The following NIPA1 variants were observed in gnomAD, a reference collection of about 807,000 sequenced individuals.
The protein encoded by NIPA1 is magnesium transporter NIPA1.
NIPA1 carries 13 observed loss-of-function variants against 23.9 expected under a neutral mutation model. That is an observed-to-expected ratio of 0.54 (90% CI 0.35 to 0.87). The LOEUF (loss-of-function observed/expected upper bound fraction) is 0.87. Ranked by LOEUF, NIPA1 falls within the 40% of genes least tolerant of loss-of-function variation. The pLI, the probability that NIPA1 is intolerant of heterozygous loss-of-function variation, is 0.01. For missense variants in NIPA1, 362 were observed against 429.7 expected (o/e 0.84, Z 1.39); for synonymous variants, 234 against 202.9 (o/e 1.15, Z -1.30).
intron 1 of NIPA1, among the ~76,000 whole-genome samples, chr15:22,805,920 T>TA (rs1555372853): frequency 6.6e-6 from 1 of 152,054 alleles, no homozygotes; most frequent in African/African-American, 2.4e-5. Context: ...TATTTTTTTT[T>TA]ACTTATTTAT....
chr15:22,817,467 C>G (rs1409219938), intron 3 of NIPA1, among the ~76,000 whole-genome samples: 1 of 140,154 alleles, frequency 7.1e-6, no homozygotes, highest in Non-Finnish European at 1.5e-5. Context: ...CCATTGCACT[C>G]CAGCCTGGGC....
chr15:22,802,616 A>G (rs946105781), intron 1 of NIPA1, among the ~76,000 whole-genome samples: 6 of 152,010 alleles, frequency 3.9e-5, no homozygotes, highest in Non-Finnish European at 8.8e-5. Flanking sequence ...GTACAGTTTG[A>G]TGAGTTTTGA....
chr15:22,807,782 T>TTGTGTGTGTG (rs71117484), intron 1 of NIPA1, among the ~76,000 whole-genome samples: 6 of 145,826 alleles, frequency 4.1e-5, no homozygotes, highest in African/African-American at 1.3e-4. Context: ...TTAAATTCAC[T>TTGTGTGTGTG]TGTGTGTGTG....
At chr15:22,791,491 TTTTTTTTTG>T (rs1268723449) in intron 1 of NIPA1, among the ~76,000 whole-genome samples, 2 of 127,862 alleles carry the variant, frequency 1.6e-5, no homozygotes, top group South Asian at 2.6e-4. Flanking sequence ...TTTTTTTTTT[TTTTTTTTTG>T]TGAGACGGAG....
chr15:22,800,930 CAA>C (rs1243873890), intron 1 of NIPA1, among the ~76,000 whole-genome samples: 2 of 68,800 alleles, frequency 2.9e-5, no homozygotes, highest in Non-Finnish European at 5.3e-5. Context: ...GACTCCGTCT[CAA>C]AAAAAAAAAA....
intron 3 of NIPA1, among the ~76,000 whole-genome samples, chr15:22,814,848 C>T (rs1895386047): frequency 1.3e-5 from 2 of 152,206 alleles, no homozygotes; most frequent in South Asian, 4.1e-4. Flanking sequence ...CCACTTGCCT[C>T]ATCATACACT....
Position 22,788,108 on chromosome 15 carries a change from G to A in NIPA1, c.178+1274G>A, listed in dbSNP as rs141440696. ...CAGGACTGGGTGAGATGGTCAACGC[G>A]CGTGACCTTATAAATAGGATGGCCT... On this transcript the variant is annotated intron_variant, in intron 1 of 4. Transcript: ENST00000337435. Among the ~76,000 whole-genome samples the A allele has an allele frequency of 3.4e-3, 512 of 152,186 alleles. 3 individuals carry two copies. The highest frequency in any genetic ancestry group is 5.2e-3 in the Non-Finnish European group (357 of 68,010).
chr15:22,808,583 A>G (rs1452445545), intron 1 of NIPA1, among the ~76,000 whole-genome samples: 2 of 152,026 alleles, frequency 1.3e-5, no homozygotes, highest in African/African-American at 4.8e-5. Context: ...AAACCCATGG[A>G]GGTGACTCAG....
intron 4 of NIPA1, among the ~76,000 whole-genome samples, chr15:22,820,925 T>C (rs1469924413): frequency 6.6e-6 from 1 of 152,172 alleles, no homozygotes; most frequent in Non-Finnish European, 1.5e-5. Context: ...CTCTTAAGTT[T>C]AGATTCCTCA....
chr15:22,806,395 T>C (rs1895213718), intron 1 of NIPA1, among the ~76,000 whole-genome samples: 1 of 152,202 alleles, frequency 6.6e-6, no homozygotes, highest in Non-Finnish European at 1.5e-5. Flanking sequence ...TATAAACAGC[T>C]ATGCAACTCT....
intron 1 of NIPA1, among the ~76,000 whole-genome samples, chr15:22,803,190 C>G (rs1046131238): frequency 6.6e-6 from 1 of 151,962 alleles, no homozygotes; most frequent in African/African-American, 2.4e-5. Flanking sequence ...CTCCTGACCG[C>G]GGGTGATCCA....
At chr15:22,791,605 T>C (rs1450256565) in intron 1 of NIPA1, among the ~76,000 whole-genome samples, 1 of 146,192 alleles carries the variant, frequency 6.8e-6, no homozygotes, top group Non-Finnish European at 1.5e-5. Context: ...TGCCTCAGCC[T>C]CCCCAGTAGC....
At chr15:22,791,219 A>G (rs1016113834) in intron 1 of NIPA1, among the ~76,000 whole-genome samples, 1 of 152,092 alleles carries the variant, frequency 6.6e-6, no homozygotes, top group Non-Finnish European at 1.5e-5. Context: ...CCCTCTTCCA[A>G]GTCTACTTTA....
At position 22,786,671 on chromosome 15, in the gene NIPA1, T is replaced by A. The variant is rs1455504935; in HGVS notation, c.15T>A (p.Ala5=). MGTA[A]AAAAAAAAAA... The stretch of plus-strand genomic sequence containing the variant: ...GCGCGGGCGGAATGGGGACTGCAGC[T>A]GCGGCAGCGGCGGCGGCGGCGGCGG... The change falls in exon 1 of 5, where the codon GCT becomes GCA. Residue 5 remains alanine (A), a synonymous_variant. Coordinates refer to ENST00000337435, the MANE Select transcript of NIPA1 (RefSeq NM_144599.5). 10 of 1,065,914 alleles carry A rather than the reference T, an allele frequency of 9.4e-6. No homozygotes were observed. Among genetic ancestry groups the A allele is most frequent in the Admixed American group, 4.9e-5 (1 of 20,432 alleles). 66.0% of individuals were successfully genotyped at this position (1,065,914 alleles called of 1,614,324 possible).
At chr15:22,789,015 C>T (rs1168731106) in intron 1 of NIPA1, among the ~76,000 whole-genome samples, 6 of 145,658 alleles carry the variant, frequency 4.1e-5, no homozygotes, top group Admixed American at 6.8e-5. Context: ...TTTTTTGAGA[C>T]GGAGTTTCGC....
intron 3 of NIPA1, among the ~76,000 whole-genome samples, chr15:22,812,652 T>TAA (rs60183245): frequency 0.22 from 31,710 of 146,408 alleles, 3,381 homozygotes; most frequent in Middle Eastern, 0.27. Context: ...GACTCTGCCT[T>TAA]AAAAAAAAAA....
chr15:22,820,609 G>A, intron 4 of NIPA1, 136 bp downstream of exon 4: 1 of 781,154 alleles, frequency 1.3e-6, no homozygotes, highest in Non-Finnish European at 2.3e-6. Context: ...CTGTAGATCT[G>A]TGTTCTCTGG....
chr15:22,822,475 C>G (rs953489797), intron 4 of NIPA1, among the ~76,000 whole-genome samples: 2 of 152,188 alleles, frequency 1.3e-5, no homozygotes, highest in African/African-American at 4.8e-5. Flanking sequence ...CCCCTGCCCC[C>G]TGGATTCCCA....
intron 1 of NIPA1, among the ~76,000 whole-genome samples, chr15:22,803,750 G>A (rs1243563273): frequency 6.9e-6 from 1 of 145,700 alleles, no homozygotes; most frequent in Admixed American, 7.0e-5. Context: ...CGTGATCTCA[G>A]CTCACTGCAG....
Sources: gnomAD v4.1 joint callset for allele counts (sites outside exome capture counted in the v4.1 genomes callset) on GRCh38, gnomAD v4.1.1 for gene constraint, MANE v1.5 for transcripts, NCBI Gene and HGNC (gene_info 2026-07-23, HGNC 2026-07-21) for gene names.